Variants in ABCD2 observed in about 807,000 individuals in gnomAD.
The protein encoded by ABCD2 is ATP-binding cassette sub-family D member 2.
Under a neutral mutation model 70.9 loss-of-function variants are expected in ABCD2, and 36 were observed. The observed-to-expected ratio is 0.51, with a 90% confidence interval of 0.39 to 0.67. The LOEUF is 0.67. Ranked by LOEUF, ABCD2 falls within the 30% of genes least tolerant of loss-of-function variation. The pLI, the probability that ABCD2 is intolerant of heterozygous loss-of-function variation, is 0.00. For synonymous variants in ABCD2, 304 were observed against 306.9 expected (o/e 0.99, Z 0.10); for missense variants, 729 against 890.2 (o/e 0.82, Z 2.30).
At chr12:39,569,045 G>A (rs899613110) in intron 9 of ABCD2, among the ~76,000 whole-genome samples, 1 of 152,170 alleles carries the variant, frequency 6.6e-6, no homozygotes, top group South Asian at 2.1e-4. Flanking sequence ...CTACTTGGGG[G>A]TGCATCCCAG....
At position 39,600,596 on chromosome 12, in the gene ABCD2, G is replaced by T; in HGVS notation, c.1621C>A (p.Gln541Lys). The T allele has an allele frequency of 6.2e-7, 1 of 1,605,824 alleles. No homozygotes were observed. The highest frequency in any genetic ancestry group is 8.5e-7 in the Non-Finnish European group (1 of 1,176,828). ...YEGVLYKPPP[Q>K]HMFYIPQRPY... ...CTTTGTGGAATATAAAACATATGTT[G>T]AGGAGGTGGTTTATAGAGGACTCCT... The change falls in exon 6 of 10, where the codon CAA (glutamine) becomes AAA (lysine). Residue 541 changes from glutamine to lysine, a missense_variant. Transcript: ENST00000308666.
intron 2 of ABCD2, among the ~76,000 whole-genome samples, chr12:39,616,111 G>A (rs1261607617): frequency 6.6e-6 from 1 of 152,082 alleles, no homozygotes; most frequent in Non-Finnish European, 1.5e-5. Flanking sequence ...GGAACCAAAA[G>A]TTGAACAAAA....
intron 9 of ABCD2, among the ~76,000 whole-genome samples, chr12:39,566,608 G>A (rs1311281709): frequency 1.3e-5 from 2 of 152,004 alleles, no homozygotes; most frequent in African/African-American, 4.8e-5. Context: ...TTTTTTGAAA[G>A]GTTTTTTGTG....
At chr12:39,562,791 A>G (rs1386221022) in intron 9 of ABCD2, among the ~76,000 whole-genome samples, 5 of 152,160 alleles carry the variant, frequency 3.3e-5, no homozygotes, top group Non-Finnish European at 7.4e-5. Context: ...AGGAAGGAAT[A>G]CATCCAAACT....
At chr12:39,600,015 G>T (rs1941874726) in intron 6 of ABCD2, among the ~76,000 whole-genome samples, 1 of 152,154 alleles carries the variant, frequency 6.6e-6, no homozygotes, top group African/African-American at 2.4e-5. Context: ...CAGGGAAGAT[G>T]ATAGCTAAAG....
At chr12:39,557,511 G>A (rs1170183817) in intron 9 of ABCD2, among the ~76,000 whole-genome samples, 2 of 152,204 alleles carry the variant, frequency 1.3e-5, no homozygotes, top group East Asian at 1.9e-4. Flanking sequence ...ATTCAAGCCA[G>A]CTGCAGAAAT....
chr12:39,616,810 C>A (rs1380705878), intron 2 of ABCD2, among the ~76,000 whole-genome samples, 178 bp downstream of exon 2: 1 of 152,072 alleles, frequency 6.6e-6, no homozygotes, highest in Non-Finnish European at 1.5e-5. Flanking sequence ...GAACCACTGT[C>A]TCCTTATTTC....
intron 2 of ABCD2, among the ~76,000 whole-genome samples, chr12:39,616,585 A>G (rs143014745): frequency 1.7e-3 from 253 of 152,292 alleles, no homozygotes; most frequent in African/African-American, 5.9e-3. Context: ...TAGAATATTT[A>G]TAGACTAAAT....
rs768904058 is a variant in ABCD2, at chr12:39,579,588, G to A, written c.1824C>T (p.Val608=). Residue 608 remains valine, a synonymous_variant, in exon 8 of 10, where the codon GTC becomes GTT. Transcript: ENST00000308666. ...GWDAVMDWKD[V]LSGGEKQRMG... is the part of the protein sequence containing the mutation. The stretch of plus-strand genomic sequence containing the variant: ...TTCTTTGCTTTTCCCCTCCTGACAG[G>A]ACATCTTTCCAGTCCATAACAGCAT... The A allele has an allele frequency of 4.3e-6, 7 of 1,612,510 alleles. No homozygotes were observed. Among genetic ancestry groups the A allele is most frequent in the Non-Finnish European group, 5.9e-6 (7 of 1,179,208 alleles).
rs1941073931 is a variant in ABCD2 at position 39,550,587 on chromosome 12, A to C, written c.*3325T>G. On this transcript the variant is annotated 3_prime_UTR_variant, in exon 10 of 10. Transcript: ENST00000308666. Reference sequence around the variant, plus strand: ...TGAAGAAGAAATTGGTTTTTAAAAAAATATTTTATACATCCACCTGAAGGC... The same window carrying C: ...TGAAGAAGAAATTGGTTTTTAAAAACATATTTTATACATCCACCTGAAGGC... 1 of 151,784 alleles carries C rather than the reference A, an allele frequency of 6.6e-6. No homozygotes were observed. Among genetic ancestry groups the C allele is most frequent in the Non-Finnish European group, 1.5e-5 (1 of 67,704 alleles). The allele number at this position is 151,784 out of a possible 1,614,324, so 9.4% of individuals were successfully genotyped here.
At chr12:39,598,694 C>A (rs1002610848) in intron 6 of ABCD2, among the ~76,000 whole-genome samples, 2 of 152,170 alleles carry the variant, frequency 1.3e-5, no homozygotes, top group Non-Finnish European at 2.9e-5. Context: ...GCCACCCCAC[C>A]CAGCCAGATT....
intron 9 of ABCD2, among the ~76,000 whole-genome samples, chr12:39,559,223 T>A (rs1310111056): frequency 6.6e-6 from 1 of 151,400 alleles, no homozygotes; most frequent in African/African-American, 2.4e-5. Flanking sequence ...AAATACAAAA[T>A]TAGCCCAGCG....
At position 39,567,561 on chromosome 12, in the gene ABCD2, T is replaced by C. The variant is rs546561714; in HGVS notation, c.2003+6155A>G. Among the ~76,000 whole-genome samples, 119 of 152,340 alleles carry C rather than the reference T, an allele frequency of 7.8e-4. No homozygotes were observed. In the East Asian group the frequency reaches 0.017, roughly 22 times the overall value. On this transcript the variant is annotated intron_variant, in intron 9 of 9. Transcript: ENST00000308666. ...GATGGGTCTGGGGAATACAGCACAC[T>C]GATGAGTCTTGACTCTTTATCCAAT...
chr12:39,570,036 A>G (rs996137888), intron 9 of ABCD2, among the ~76,000 whole-genome samples: 26 of 152,230 alleles, frequency 1.7e-4, no homozygotes, highest in African/African-American at 5.3e-4. Context: ...AGGAGGTGTA[A>G]GGTCTCTACA....
intron 6 of ABCD2, among the ~76,000 whole-genome samples, chr12:39,588,919 A>G (rs1941704735): frequency 6.6e-6 from 1 of 152,234 alleles, no homozygotes. Flanking sequence ...GTTGCTCTAT[A>G]AAGTACAGTG....
intron 6 of ABCD2, among the ~76,000 whole-genome samples, chr12:39,592,823 C>T (rs542272952): frequency 1.4e-4 from 22 of 152,246 alleles, no homozygotes; most frequent in African/African-American, 4.8e-4. Context: ...ACCCTGTTTG[C>T]CTTTTGGCAG....
chr12:39,596,089 G>A, intron 6 of ABCD2, among the ~76,000 whole-genome samples: 1 of 152,134 alleles, frequency 6.6e-6, no homozygotes. Flanking sequence ...TGTTAGAGGA[G>A]AGTAGGAAAG....
chr12:39,606,960 A>G (rs1274372482), intron 3 of ABCD2, among the ~76,000 whole-genome samples: 2 of 152,194 alleles, frequency 1.3e-5, no homozygotes, highest in African/African-American at 4.8e-5. Context: ...GAGTGGTGTG[A>G]TGCAGGCAAT....
At chr12:39,546,412 C>G (rs1246793740), downstream of ABCD2, among the ~76,000 whole-genome samples, 3 of 151,994 alleles carry the variant, frequency 2.0e-5, no homozygotes, top group Admixed American at 2.0e-4. Flanking sequence ...TGAATACTAA[C>G]TAAATAAGAC....
Sources: allele counts gnomAD v4.1 joint callset (sites outside exome capture counted in the v4.1 genomes callset), GRCh38; gene constraint gnomAD v4.1.1; transcripts MANE v1.5; gene names NCBI Gene and HGNC (gene_info 2026-07-23, HGNC 2026-07-21).